Variants in CYRIA observed in about 807,000 individuals in gnomAD.
CYRIA encodes CYFIP related Rac1 interactor A.
Under a neutral mutation model 43.9 loss-of-function variants are expected in CYRIA, and 15 were observed. The ratio of observed to expected loss-of-function variants is 0.34; its 90% CI spans 0.23 to 0.53. The LOEUF is 0.53. Among genes scored for constraint, CYRIA ranks in the 20% least tolerant of loss-of-function variants. The probability of loss-of-function intolerance (pLI) is 0.94; values close to 1 mark genes in which losing one functional copy is unlikely to be tolerated. For missense variants in CYRIA, 236 were observed against 394.2 expected (o/e 0.60, Z 3.40); for synonymous variants, 117 against 136.0 (o/e 0.86, Z 0.97).
rs112780352 is a variant in CYRIA, at chr2:16,610,938, C to T, written c.-11+12926G>A. Among the ~76,000 whole-genome samples the T allele has an allele frequency of 2.7e-3, 159 of 58,442 alleles. 2 individuals carry two copies. The highest frequency in any genetic ancestry group is 8.6e-3 in the African/African-American group (145 of 16,766). 38.3% of individuals were successfully genotyped at this position (58,442 alleles called of 152,430 possible). ...TATATATATATATATATATATATATCCTGTATATCTTGCATATATTTCTAT... is the reference window on the plus strand; with the variant it reads ...TATATATATATATATATATATATATTCTGTATATCTTGCATATATTTCTAT... On this transcript the variant is annotated intron_variant, in intron 2 of 11. Transcript: ENST00000381323.
intron 2 of CYRIA, among the ~76,000 whole-genome samples, chr2:16,592,594 A>G (rs989956816): frequency 2.6e-5 from 4 of 152,166 alleles, no homozygotes; most frequent in African/African-American, 4.8e-5. Context: ...TTTCCCATGC[A>G]TCGTAAGCTG....
intron 1 of CYRIA, among the ~76,000 whole-genome samples, chr2:16,627,746 G>A (rs185412678): frequency 5.3e-4 from 80 of 152,334 alleles, no homozygotes; most frequent in African/African-American, 1.8e-3. Flanking sequence ...TCTCCAGGCA[G>A]GAAAGACTGA....
intron 2 of CYRIA, among the ~76,000 whole-genome samples, chr2:16,618,549 A>G (rs772877377): frequency 2.0e-5 from 3 of 152,190 alleles, no homozygotes; most frequent in Non-Finnish European, 4.4e-5. Flanking sequence ...GTGATTCTAA[A>G]TGCATTTTGG....
chr2:16,568,610 A>T (rs961988211), intron 3 of CYRIA, among the ~76,000 whole-genome samples: 5 of 152,208 alleles, frequency 3.3e-5, no homozygotes, highest in African/African-American at 9.7e-5. Context: ...CCTAGAAAAC[A>T]AATAAAAATA....
Position 16,562,909 on chromosome 2 carries a change from A to G in CYRIA, c.299-768T>C, listed in dbSNP as rs146292142. 2.2e-3 allele frequency among the ~76,000 whole-genome samples: 338 copies of G among 152,318 alleles called. 3 individuals carry two copies. The highest frequency in any genetic ancestry group is 7.8e-3 in the African/African-American group (324 of 41,584). On this transcript the variant is annotated intron_variant, in intron 5 of 11. Coordinates refer to ENST00000381323, the MANE Select transcript of CYRIA (RefSeq NM_030797.4). ...AGAGTGGCAGAGGCGAGTAGTTGCAAAAAAGACAGGACGGCCCACAACTCT... is the reference window on the plus strand; with the variant it reads ...AGAGTGGCAGAGGCGAGTAGTTGCAGAAAAGACAGGACGGCCCACAACTCT...
At chr2:16,569,635 A>G (rs1359695565) in intron 3 of CYRIA, among the ~76,000 whole-genome samples, 2 of 152,214 alleles carry the variant, frequency 1.3e-5, no homozygotes, top group African/African-American at 2.4e-5. Flanking sequence ...GAGAGTGACA[A>G]CTGGGAGAAG....
At chr2:16,635,321 A>C (rs758648283) in intron 1 of CYRIA, among the ~76,000 whole-genome samples, 24 of 152,194 alleles carry the variant, frequency 1.6e-4, no homozygotes, top group Non-Finnish European at 3.1e-4. Context: ...GCCCACTGAA[A>C]TACCTTGAAC....
At chr2:16,562,556 A>G (rs1438098856) in intron 5 of CYRIA, among the ~76,000 whole-genome samples, 2 of 152,106 alleles carry the variant, frequency 1.3e-5, no homozygotes, top group African/African-American at 4.8e-5. Context: ...CTCTGCCCCT[A>G]TTGGACTTTT....
chr2:16,656,099 G>C (rs78286509), intron 1 of CYRIA, among the ~76,000 whole-genome samples: 11,057 of 152,214 alleles, frequency 0.073, 585 homozygotes, highest in African/African-American at 0.15. Context: ...GTGCCTGGCA[G>C]ATTCCTGCCC....
intron 2 of CYRIA, among the ~76,000 whole-genome samples, chr2:16,609,578 A>C (rs1187512671): frequency 6.6e-6 from 1 of 152,150 alleles, no homozygotes; most frequent in Non-Finnish European, 1.5e-5. Flanking sequence ...TTTTCAGTGG[A>C]GTTCAACCTA....
At chr2:16,612,487 TAAAA>T (rs1668639129) in intron 2 of CYRIA, among the ~76,000 whole-genome samples, 1 of 152,206 alleles carries the variant, frequency 6.6e-6, no homozygotes, top group South Asian at 2.1e-4. Flanking sequence ...GCTTGAAAGT[TAAAA>T]GAAAGATAAT....
intron 1 of CYRIA, among the ~76,000 whole-genome samples, chr2:16,636,605 C>G (rs1669504880): frequency 6.6e-6 from 1 of 152,146 alleles, no homozygotes; most frequent in Non-Finnish European, 1.5e-5. Flanking sequence ...AGTCACCTAT[C>G]TATTCAGAGA....
At chr2:16,634,247 G>A (rs1160843975) in intron 1 of CYRIA, among the ~76,000 whole-genome samples, 1 of 152,184 alleles carries the variant, frequency 6.6e-6, no homozygotes, top group Non-Finnish European at 1.5e-5. Context: ...CCTTTTGCAG[G>A]TGTGGAAAAT....
chr2:16,637,497 CAG>C (rs757736357), intron 1 of CYRIA, among the ~76,000 whole-genome samples: 1 of 152,158 alleles, frequency 6.6e-6, no homozygotes, highest in Non-Finnish European at 1.5e-5. Context: ...CACCAGACAC[CAG>C]GTCTGCCCAC....
At chr2:16,568,227 G>GAAAAAAAAAAAAAAAAAAAAAAAAAA (rs71400699) in intron 3 of CYRIA, among the ~76,000 whole-genome samples, 1 of 88,752 alleles carries the variant, frequency 1.1e-5, no homozygotes. Flanking sequence ...TTCAAAATCA[G>GAAAAAAAAAAAAAAAAAAAAAAAAAA]AAAAAAAAAA....
chr2:16,626,872 G>C (rs921865408), intron 1 of CYRIA, among the ~76,000 whole-genome samples: 3 of 152,180 alleles, frequency 2.0e-5, no homozygotes, highest in African/African-American at 7.2e-5. Flanking sequence ...ACACAATCAG[G>C]AGTTTGCCCT....
At chr2:16,641,703 G>A (rs1474637012) in intron 1 of CYRIA, among the ~76,000 whole-genome samples, 1 of 152,228 alleles carries the variant, frequency 6.6e-6, no homozygotes, top group East Asian at 1.9e-4. Context: ...GCACACAAGT[G>A]AGCGTGCCTG....
At position 16,573,086 on chromosome 2, in the gene CYRIA, C is replaced by T. The variant is rs571500112; in HGVS notation, c.71-7319G>A. Among the ~76,000 whole-genome samples, 10 of 152,276 alleles carry T rather than the reference C, an allele frequency of 6.6e-5. No individual in the cohort carries two copies. The South Asian group carries it at 1.7e-3, about 25-fold the overall frequency. On this transcript the variant is annotated intron_variant, in intron 3 of 11. Coordinates refer to ENST00000381323, the MANE Select transcript of CYRIA (RefSeq NM_030797.4). ...ACACCCCACTACTGCCGTTTCTGCC[C>T]GAGGAATGCAAGAGATGTTCTGCAT...
chr2:16,589,439 G>T (rs947571891), intron 2 of CYRIA, among the ~76,000 whole-genome samples: 19 of 152,080 alleles, frequency 1.2e-4, no homozygotes, highest in Middle Eastern at 3.4e-3. Context: ...CATACTCCCC[G>T]ATATAAATCA....
Sources: gnomAD v4.1 joint callset for allele counts (sites outside exome capture counted in the v4.1 genomes callset) on GRCh38, gnomAD v4.1.1 for gene constraint, MANE v1.5 for transcripts, NCBI Gene and HGNC (gene_info 2026-07-23, HGNC 2026-07-21) for gene names.